LRP5: variants seen among roughly 807,000 people sequenced by gnomAD.
LRP5 encodes LDL receptor related protein 5, also known as low-density lipoprotein receptor-related protein 5.
Under a neutral mutation model 154.1 loss-of-function variants are expected in LRP5, and 62 were observed. The observed-to-expected ratio is 0.40, with a 90% CI of 0.33 to 0.50. LRP5 has a LOEUF of 0.50. Among genes scored for constraint, LRP5 ranks in the 20% least tolerant of loss-of-function variants. The pLI is 0.55. For synonymous variants in LRP5, 966 were observed against 1,011.5 expected (o/e 0.96, Z 0.85); for missense variants, 1,915 against 2,336.7 (o/e 0.82, Z 3.72).
intron 1 of LRP5, among the ~76,000 whole-genome samples, chr11:68,343,527 A>C (rs1326947262): frequency 6.6e-6 from 1 of 152,172 alleles, no homozygotes; most frequent in African/African-American, 2.4e-5. Flanking sequence ...CAGCCAGGGC[A>C]TGGGGCACAG....
chr11:68,317,424 G>A (rs1302155193), intron 1 of LRP5, among the ~76,000 whole-genome samples: 1 of 152,238 alleles, frequency 6.6e-6, no homozygotes, highest in African/African-American at 2.4e-5. Context: ...GGGACCAGGA[G>A]GTGGGTGAAG....
intron 10 of LRP5, among the ~76,000 whole-genome samples, chr11:68,411,040 G>C (rs1267703573): frequency 6.6e-6 from 1 of 152,260 alleles, no homozygotes; most frequent in South Asian, 2.1e-4. Flanking sequence ...TCCGGATCCC[G>C]CAAGGCCTCC....
intron 11 of LRP5, among the ~76,000 whole-genome samples, chr11:68,412,221 C>T (rs760299855): frequency 1.1e-4 from 16 of 152,124 alleles, no homozygotes; most frequent in Non-Finnish European, 1.6e-4. Context: ...AAAAGGGGAC[C>T]GCACACTCTG....
intron 12 of LRP5, among the ~76,000 whole-genome samples, chr11:68,415,057 C>T (rs1210024685): frequency 6.6e-6 from 1 of 152,256 alleles, no homozygotes; most frequent in Non-Finnish European, 1.5e-5. Flanking sequence ...AGACCAGCCA[C>T]TGTAGCCCGC....
the LRP5 span, among the ~76,000 whole-genome samples, chr11:68,306,611 G>A: frequency 2.0e-5 from 3 of 152,178 alleles, no homozygotes; most frequent in African/African-American, 7.2e-5. Context: ...TCTTTTTGAA[G>A]GCCACTGTTC....
chr11:68,328,512 G>A (rs1375766441), intron 1 of LRP5, among the ~76,000 whole-genome samples: 4 of 152,198 alleles, frequency 2.6e-5, no homozygotes, highest in Non-Finnish European at 1.5e-5. Context: ...GGAAACGGCC[G>A]CTTCCCTCTG....
chr11:68,408,905 C>T (rs73515073), intron 9 of LRP5, among the ~76,000 whole-genome samples: 8,815 of 150,542 alleles, frequency 0.059, 315 homozygotes, highest in Middle Eastern at 0.15. Flanking sequence ...TTTAATAAGT[C>T]GGGCGTAGTG....
intron 3 of LRP5, among the ~76,000 whole-genome samples, chr11:68,358,642 C>A (rs1267341354): frequency 6.6e-6 from 1 of 152,146 alleles, no homozygotes; most frequent in East Asian, 1.9e-4. Flanking sequence ...CACCAGGGGG[C>A]CTTCCACATG....
chr11:68,425,036 T>C, intron 14 of LRP5, 66 bp from the exon 15 acceptor site: 1 of 1,492,502 alleles, frequency 6.7e-7, no homozygotes, highest in Non-Finnish European at 9.3e-7. Context: ...CTGGGTGCCC[T>C]GGGCTCCGTG....
intron 18 of LRP5, among the ~76,000 whole-genome samples, chr11:68,435,746 G>C (rs1012435456): frequency 2.6e-5 from 4 of 152,140 alleles, no homozygotes; most frequent in African/African-American, 9.7e-5. Flanking sequence ...TATTATTTGA[G>C]ACAGAATCTC....
At chr11:68,394,622 C>T (rs2098648225) in intron 7 of LRP5, among the ~76,000 whole-genome samples, 2 of 152,294 alleles carry the variant, frequency 1.3e-5, no homozygotes, top group South Asian at 2.1e-4. Context: ...CCTGCCACCG[C>T]GCCCGGCTAA....
intron 1 of LRP5, 143 bp from the exon 2 acceptor site, chr11:68,347,704 C>G (rs963316495): frequency 4.9e-6 from 5 of 1,025,278 alleles, no homozygotes; most frequent in Non-Finnish European, 7.5e-6. Flanking sequence ...CCTGACAACG[C>G]CTTAGGGGTG....
the LRP5 span, among the ~76,000 whole-genome samples, chr11:68,306,964 A>G: frequency 2.6e-5 from 4 of 152,314 alleles, no homozygotes; most frequent in East Asian, 7.7e-4. Context: ...GTTAATCACA[A>G]TTTACATGAA....
intron 21 of LRP5, among the ~76,000 whole-genome samples, chr11:68,443,360 G>A (rs947203756): frequency 4.7e-5 from 7 of 149,434 alleles, no homozygotes; most frequent in Non-Finnish European, 4.4e-5. Flanking sequence ...AAAATTAGCC[G>A]GGTATGGTGA....
At position 68,371,892 on chromosome 11, in the gene LRP5, C is replaced by T. The variant is rs376605387; in HGVS notation, c.1015+6190C>T. Reference sequence around the variant, plus strand: ...GCCCAGAGAGCCTTCCGAGGTGTCACGTTGGGCAGTGAAATTCAGAGTCGG... The same window carrying T: ...GCCCAGAGAGCCTTCCGAGGTGTCATGTTGGGCAGTGAAATTCAGAGTCGG... On this transcript the variant is annotated intron_variant, in intron 5 of 22. Coordinates refer to ENST00000294304, the MANE Select transcript of LRP5 (RefSeq NM_002335.4). 5.3e-5 allele frequency among the ~76,000 whole-genome samples: 8 copies of T among 152,344 alleles called. No individual in the cohort carries two copies. The South Asian group carries it at 1.0e-3, about 20-fold the overall frequency.
chr11:68,302,787 C>T, the LRP5 span, among the ~76,000 whole-genome samples: 5 of 152,198 alleles, frequency 3.3e-5, no homozygotes, highest in Admixed American at 6.5e-5. Context: ...TCTGGCGGGC[C>T]GTGGCGCTGA....
chr11:68,352,731 A>G (rs438763), intron 2 of LRP5, among the ~76,000 whole-genome samples: 1 of 127,930 alleles, frequency 7.8e-6, no homozygotes, highest in African/African-American at 3.2e-5. Context: ...GGTGCTTGGC[A>G]CTTGGTTGGG....
intron 1 of LRP5, among the ~76,000 whole-genome samples, chr11:68,322,838 A>G (rs1426420039): frequency 7.0e-6 from 1 of 143,700 alleles, no homozygotes; most frequent in East Asian, 2.0e-4. Flanking sequence ...GAGGACCCCC[A>G]TGGTCCTGCA....
intron 5 of LRP5, among the ~76,000 whole-genome samples, chr11:68,377,812 G>A (rs188608336): frequency 6.4e-4 from 97 of 152,330 alleles, no homozygotes; most frequent in African/African-American, 2.2e-3. Context: ...GGGGGTGGGC[G>A]TCCGGGCAGC....
Sources: allele counts gnomAD v4.1 joint callset (sites outside exome capture counted in the v4.1 genomes callset), GRCh38; gene constraint gnomAD v4.1.1; transcripts MANE v1.5; gene names NCBI Gene and HGNC (gene_info 2026-07-23, HGNC 2026-07-21).